Variants in DYSF observed in about 807,000 individuals in gnomAD.
DYSF encodes dystrophy-associated fer-1-like 1.
In DYSF, 212 loss-of-function variants were observed where a neutral mutation model predicts 274.9. The ratio of observed to expected loss-of-function variants is 0.77; its 90% CI spans 0.69 to 0.86. The LOEUF is 0.86. Ranked by LOEUF, DYSF falls within the 40% of genes least tolerant of loss-of-function variation. The probability of loss-of-function intolerance (pLI) is 0.00; values close to 1 mark genes in which losing one functional copy is unlikely to be tolerated. For missense variants in DYSF, 2,666 were observed against 2,783.2 expected (o/e 0.96, Z 0.95); for synonymous variants, 1,091 against 1,078.7 (o/e 1.01, Z -0.22).
chr2:71,540,376 T>C (rs913071525), intron 17 of DYSF, among the ~76,000 whole-genome samples: 1 of 152,042 alleles, frequency 6.6e-6, no homozygotes, highest in Non-Finnish European at 1.5e-5. Context: ...CCCAAAGTGC[T>C]GGGATTACAG....
intron 4 of DYSF, among the ~76,000 whole-genome samples, 168 bp downstream of exon 4, chr2:71,503,487 A>C (rs1389457503): frequency 6.6e-6 from 1 of 152,116 alleles, no homozygotes; most frequent in African/African-American, 2.4e-5. Context: ...GCACTGGACT[A>C]GGGGAGATGG....
intron 1 of DYSF, among the ~76,000 whole-genome samples, chr2:71,455,450 T>C (rs552499201): frequency 6.6e-6 from 1 of 152,298 alleles, no homozygotes; most frequent in African/African-American, 2.4e-5. Context: ...TTTGATCTGC[T>C]CTCAATCAGT....
chr2:71,494,874 C>T (rs991095947), intron 3 of DYSF, among the ~76,000 whole-genome samples: 1 of 152,192 alleles, frequency 6.6e-6, no homozygotes, highest in Non-Finnish European at 1.5e-5. Context: ...TTCTCCCTGA[C>T]ATTTTGAGGA....
At chr2:71,490,472 T>A (rs2083755006) in intron 3 of DYSF, among the ~76,000 whole-genome samples, 1 of 152,216 alleles carries the variant, frequency 6.6e-6, no homozygotes, top group Non-Finnish European at 1.5e-5. Flanking sequence ...CCGGAGTAGC[T>A]GGGATTACAG....
At chr2:71,619,813 G>C (rs1372031255) in intron 40 of DYSF, among the ~76,000 whole-genome samples, 1 of 152,118 alleles carries the variant, frequency 6.6e-6, no homozygotes, top group Non-Finnish European at 1.5e-5. Flanking sequence ...CTAGAGTATC[G>C]TAGTGGTCTC....
intron 4 of DYSF, among the ~76,000 whole-genome samples, chr2:71,511,135 G>A (rs2086046110): frequency 6.6e-6 from 1 of 152,176 alleles, no homozygotes; most frequent in African/African-American, 2.4e-5. Flanking sequence ...GGTGGGGTGG[G>A]CGCATGGGCA....
At chr2:71,453,752 C>G (rs2080934439) in exon 1 of DYSF, 2 of 569,712 alleles carry the variant, frequency 3.5e-6, no homozygotes, top group Admixed American at 6.0e-5. Context: ...CCCCTGTTCT[C>G]GGAACGCCGG....
intron 36 of DYSF, among the ~76,000 whole-genome samples, chr2:71,610,032 A>G (rs2093720550): frequency 1.3e-5 from 2 of 152,204 alleles, no homozygotes; most frequent in Admixed American, 6.5e-5. Flanking sequence ...CCATGTATGG[A>G]TGTGCAGGTT....
In DYSF at chr2:71,520,219, A is replaced by C; in HGVS notation, c.1033+11A>C. 1.2e-6 allele frequency: 2 copies of C among 1,614,118 alleles called. No individual in the cohort carries two copies. Among genetic ancestry groups the C allele is most frequent in the Non-Finnish European group, 8.5e-7 (1 of 1,179,978 alleles). Reference sequence around the variant, plus strand: ...TTTACAGAGAGCCCCGTGAGTTCTCACCACTTTGGCCGTATCCTTGCATTT... The same window carrying C: ...TTTACAGAGAGCCCCGTGAGTTCTCCCCACTTTGGCCGTATCCTTGCATTT... On this transcript the variant is annotated intron_variant, in intron 11 of 55. Transcript: ENST00000410020.
At chr2:71,555,485 G>A (rs369771183) in intron 21 of DYSF, among the ~76,000 whole-genome samples, 58 of 152,296 alleles carry the variant, frequency 3.8e-4, no homozygotes, top group African/African-American at 1.4e-3. Context: ...GGCCACAGGA[G>A]TTTGAGGAAG....
intron 41 of DYSF, among the ~76,000 whole-genome samples, chr2:71,625,103 T>C (rs1279588423): frequency 2.6e-5 from 4 of 152,160 alleles, no homozygotes. Flanking sequence ...GAACCAGCTC[T>C]TTAAAAATTC....
intron 1 of DYSF, among the ~76,000 whole-genome samples, chr2:71,470,458 G>A (rs1429217903): frequency 6.6e-6 from 1 of 152,070 alleles, no homozygotes; most frequent in Non-Finnish European, 1.5e-5. Context: ...GGATCATGAG[G>A]TCAGGAGATC....
chr2:71,539,598 C>A (rs891477991), intron 17 of DYSF, among the ~76,000 whole-genome samples: 2 of 152,154 alleles, frequency 1.3e-5, no homozygotes, highest in African/African-American at 4.8e-5. Context: ...AAAAAAGCAA[C>A]TCATCATCAT....
At chr2:71,470,874 C>T (rs976923705) in intron 1 of DYSF, among the ~76,000 whole-genome samples, 2 of 150,894 alleles carry the variant, frequency 1.3e-5, no homozygotes, top group Non-Finnish European at 3.0e-5. Context: ...TCATTGCAAC[C>T]GCCGCCTCCC....
At chr2:71,555,911 A>G (rs969489822) in intron 21 of DYSF, 54 bp from the exon 22 acceptor site, 11 of 1,412,722 alleles carry the variant, frequency 7.8e-6, no homozygotes, top group South Asian at 6.2e-5. Context: ...TGGGTCCAGC[A>G]TGCACCCTCT....
rs771858842 is a variant in DYSF at position 71,602,820 on chromosome 2, G to A, written c.3957+15G>A. The A allele has an allele frequency of 1.6e-5, 25 of 1,612,740 alleles. No homozygotes were observed. The South Asian group carries it at 2.8e-4, about 18-fold the overall frequency. On this transcript the variant is annotated intron_variant, in intron 36 of 55. Coordinates refer to ENST00000410020, the MANE Select transcript of DYSF (RefSeq NM_001130987.2). ...TCCTGGATGAGGTGAGCTGGGCGTG[G>A]TGGTTGGGATGGGTGGGCCGAGGTA...
At chr2:71,490,937 C>CTT (rs1028489451) in intron 3 of DYSF, among the ~76,000 whole-genome samples, 26 of 152,044 alleles carry the variant, frequency 1.7e-4, no homozygotes, top group African/African-American at 6.3e-4. Context: ...TTTTTATGTT[C>CTT]TTATGCTATT....
intron 1 of DYSF, among the ~76,000 whole-genome samples, chr2:71,457,850 C>A (rs1451020123): frequency 6.6e-6 from 1 of 152,156 alleles, no homozygotes; most frequent in African/African-American, 2.4e-5. Flanking sequence ...AGGTGGGCAA[C>A]CTGTGGTGCG....
At chr2:71,485,481 G>A (rs529360419) in intron 3 of DYSF, among the ~76,000 whole-genome samples, 3 of 152,296 alleles carry the variant, frequency 2.0e-5, no homozygotes, top group African/African-American at 7.2e-5. Flanking sequence ...GCTTGAACCC[G>A]GGAAGCAGAG....
Sources: allele counts gnomAD v4.1 joint callset (sites outside exome capture counted in the v4.1 genomes callset), GRCh38; gene constraint gnomAD v4.1.1; transcripts MANE v1.5; gene names NCBI Gene and HGNC (gene_info 2026-07-23, HGNC 2026-07-21).